The following TTC34 variants were observed in gnomAD, a reference collection of about 807,000 sequenced individuals.
TTC34 encodes tetratricopeptide repeat domain 34.
TTC34 carries 44 observed loss-of-function variants against 40.7 expected under a neutral mutation model. The ratio of observed to expected loss-of-function variants is 1.08; its 90% CI spans 0.85 to 1.39. TTC34 has a LOEUF of 1.39. TTC34 is among the 40% of genes most tolerant of loss of function. TTC34 has a pLI of 0.00. For synonymous variants in TTC34, 422 were observed against 398.6 expected (o/e 1.06, Z -0.70); for missense variants, 884 against 838.0 (o/e 1.05, Z -0.68).
At chr1:2,644,897 G>A (rs1032026552) in intron 7 of TTC34, among the ~76,000 whole-genome samples, 5 of 152,162 alleles carry the variant, frequency 3.3e-5, no homozygotes, top group African/African-American at 4.8e-5. Flanking sequence ...GTGGAAATCC[G>A]CGGGAAGGGC....
In TTC34 at chr1:2,696,884, C is replaced by G. The variant is rs1640892712; in HGVS notation, c.2227-51321G>C. 4.5e-5 allele frequency among the ~76,000 whole-genome samples: 2 copies of G among 44,556 alleles called. 1 individual carries two copies. The highest frequency in any genetic ancestry group is 1.1e-4 in the Non-Finnish European group (2 of 18,308). 29.2% of individuals were successfully genotyped at this position (44,556 alleles called of 152,430 possible). On this transcript the variant is annotated intron_variant, in intron 6 of 8. Coordinates refer to ENST00000401095, the Ensembl canonical transcript of TTC34. The stretch of plus-strand genomic sequence containing the variant: ...CAGCCTGGAGCAGCACCCACACCCC[C>G]AGATGCGCATCTGATGGTCTGGAGC...
chr1:2,695,080 G>A (rs1437058899), intron 6 of TTC34, among the ~76,000 whole-genome samples: 1 of 147,900 alleles, frequency 6.8e-6, no homozygotes, highest in Non-Finnish European at 1.5e-5. Context: ...ACACCCCCAG[G>A]CGAGCATCTG....
intron 6 of TTC34, among the ~76,000 whole-genome samples, chr1:2,779,079 TTGTAG>T (rs1406475331): frequency 6.6e-6 from 1 of 152,222 alleles, no homozygotes; most frequent in South Asian, 2.1e-4. Context: ...TTCATCCATG[TTGTAG>T]TGTGTACCAG....
At chr1:2,767,639 C>G (rs1250444136) in intron 6 of TTC34, among the ~76,000 whole-genome samples, 1 of 102,878 alleles carries the variant, frequency 9.7e-6, no homozygotes, top group Non-Finnish European at 1.9e-5. Flanking sequence ...GAATGACATC[C>G]TCACATCCAG....
chr1:2,686,631 A>G (rs1251015398), intron 6 of TTC34, among the ~76,000 whole-genome samples: 5 of 147,298 alleles, frequency 3.4e-5, no homozygotes, highest in Middle Eastern at 3.5e-3. Context: ...AGCATGTAAC[A>G]GCACCCACAC....
chr1:2,683,942 C>G (rs1255986390), intron 6 of TTC34, among the ~76,000 whole-genome samples: 13 of 57,686 alleles, frequency 2.3e-4, no homozygotes, highest in Admixed American at 6.1e-4. Context: ...TGGTCTGGAG[C>G]AGTACCCACA....
chr1:2,773,057 C>T (rs1242776186), intron 6 of TTC34, among the ~76,000 whole-genome samples: 6 of 150,040 alleles, frequency 4.0e-5, no homozygotes, highest in Non-Finnish European at 8.9e-5. Flanking sequence ...AGCACGCACA[C>T]CCCCAGGTGA....
intron 2 of TTC34, among the ~76,000 whole-genome samples, chr1:2,790,879 A>G (rs917498321): frequency 2.0e-5 from 3 of 152,054 alleles, no homozygotes; most frequent in African/African-American, 7.2e-5. Context: ...TCTGTAGCAG[A>G]GCTCTTCTCT....
At chr1:2,640,147 G>C (rs150659007) in exon 9 of TTC34, 8 of 152,592 alleles carry the variant, frequency 5.2e-5, no homozygotes, top group East Asian at 3.9e-4. Flanking sequence ...AAGCCAGGAG[G>C]GGGGGTCGTG....
At chr1:2,757,807 C>A (rs1441146943) in intron 6 of TTC34, among the ~76,000 whole-genome samples, 6 of 140,326 alleles carry the variant, frequency 4.3e-5, no homozygotes, top group African/African-American at 1.7e-4. Context: ...GGCGAGCATC[C>A]GACAGCCTGG....
chr1:2,651,089 G>A (rs926411825), intron 6 of TTC34, among the ~76,000 whole-genome samples: 1 of 150,648 alleles, frequency 6.6e-6, no homozygotes, highest in East Asian at 2.0e-4. Flanking sequence ...GCATCAGAAA[G>A]CCTGGAACGG....
chr1:2,790,300 G>A (rs530231911), exon 3 of TTC34: 17 of 398,436 alleles, frequency 4.3e-5, no homozygotes, highest in African/African-American at 3.3e-4. Flanking sequence ...CGTCCAGGAA[G>A]AAGGCCGAGG....
intron 6 of TTC34, among the ~76,000 whole-genome samples, chr1:2,691,678 C>G (rs1316526559): frequency 3.1e-5 from 2 of 63,574 alleles, no homozygotes; most frequent in African/African-American, 9.8e-5. Context: ...AGGTGAGCAT[C>G]TGACGGCCTG....
chr1:2,641,998 C>T, intron 8 of TTC34, 103 bp from the exon 9 acceptor site: 1 of 1,283,574 alleles, frequency 7.8e-7, no homozygotes, highest in Non-Finnish European at 1.0e-6. Flanking sequence ...CTTCTGCTGG[C>T]TCCCTGGGGA....
At chr1:2,751,321 A>AGG (rs1641311581) in intron 6 of TTC34, among the ~76,000 whole-genome samples, 1 of 10,652 alleles carries the variant, frequency 9.4e-5, no homozygotes, top group Admixed American at 1.1e-3. Context: ...GGAGCAGAAC[A>AGG]AACACCCCCA....
chr1:2,692,466 C>G (rs78502039), intron 6 of TTC34, among the ~76,000 whole-genome samples: 1 of 121,332 alleles, frequency 8.2e-6, no homozygotes, highest in Admixed American at 8.2e-5. Flanking sequence ...ACCCACACCC[C>G]CAGGTGAGCA....
intron 6 of TTC34, among the ~76,000 whole-genome samples, chr1:2,749,840 C>T (rs1641259200): frequency 7.3e-6 from 1 of 136,868 alleles, no homozygotes; most frequent in Admixed American, 7.7e-5. Flanking sequence ...GAACAGCACC[C>T]ACACCCCCAG....
chr1:2,783,762 A>T (rs1643527960), exon 6 of TTC34: 1 of 1,513,562 alleles, frequency 6.6e-7, no homozygotes, highest in South Asian at 1.3e-5. Flanking sequence ...GGAGGGACTC[A>T]CTTGCCTGGC....
At chr1:2,675,001 A>G (rs1260017786) in intron 6 of TTC34, among the ~76,000 whole-genome samples, 1 of 97,426 alleles carries the variant, frequency 1.0e-5, no homozygotes, top group Admixed American at 9.8e-5. Flanking sequence ...GCACCCACAC[A>G]CCCAGGTGAG....
Sources: allele counts gnomAD v4.1 joint callset (sites outside exome capture counted in the v4.1 genomes callset), GRCh38; gene constraint gnomAD v4.1.1; transcripts MANE v1.5; gene names NCBI Gene and HGNC (gene_info 2026-07-23, HGNC 2026-07-21).